Variants in PDIA4 observed in about 807,000 individuals in gnomAD.
The protein encoded by PDIA4 is protein disulfide isomerase family A member 4, also known as protein disulfide-isomerase A4.
Under a neutral mutation model 62.1 loss-of-function variants are expected in PDIA4, and 33 were observed. The observed-to-expected ratio is 0.53, with a 90% CI of 0.40 to 0.71. The LOEUF (loss-of-function observed/expected upper bound fraction) is 0.71, where lower values mean the gene tolerates loss of function less well. Among genes scored for constraint, PDIA4 ranks in the 30% least tolerant of loss-of-function variants. The pLI, the probability that PDIA4 is intolerant of heterozygous loss-of-function variation, is 0.00. For missense variants in PDIA4, 804 were observed against 813.6 expected (o/e 0.99, Z 0.14); for synonymous variants, 341 against 324.1 (o/e 1.05, Z -0.56).
intron 6 of PDIA4, among the ~76,000 whole-genome samples, chr7:149,011,009 A>G (rs1438089638): frequency 6.6e-6 from 1 of 152,336 alleles, no homozygotes; most frequent in African/African-American, 2.4e-5. Flanking sequence ...AAGGCCACCT[A>G]ATTAACAGAT....
chr7:149,018,091 T>C (rs2129505141), intron 3 of PDIA4, among the ~76,000 whole-genome samples: 1 of 151,702 alleles, frequency 6.6e-6, no homozygotes, highest in South Asian at 2.1e-4. Context: ...TAGCCGGACG[T>C]GGTGGCAGGC....
At chr7:149,007,097 C>T (rs894336764) in intron 7 of PDIA4, among the ~76,000 whole-genome samples, 2 of 151,498 alleles carry the variant, frequency 1.3e-5, no homozygotes, top group Admixed American at 6.6e-5. Flanking sequence ...GGGGTCGCAG[C>T]AGCCACTATG....
At position 149,012,135 on chromosome 7, in the gene PDIA4, A is replaced by C; in HGVS notation, c.820+20T>G. ...AGTTTCCCTTCCCCACTGTAGTGGGAGAGAAGGGAGTGGCCATACCATATT... is the reference window on the plus strand; with the variant it reads ...AGTTTCCCTTCCCCACTGTAGTGGGCGAGAAGGGAGTGGCCATACCATATT... On this transcript the variant is annotated intron_variant, in intron 5 of 9. Transcript: ENST00000652332. 1 of 1,611,770 alleles carries C rather than the reference A, an allele frequency of 6.2e-7. No individual in the cohort carries two copies. Among genetic ancestry groups the C allele is most frequent in the African/African-American group, 1.3e-5 (1 of 74,990 alleles).
rs541393681 is a variant in PDIA4, at chr7:149,011,915, C to T, written c.910G>A (p.Asp304Asn). 6.4e-5 allele frequency: 103 copies of T among 1,609,508 alleles called. 1 individual carries two copies. In the South Asian group the frequency reaches 1.0e-3, roughly 16 times the overall value. ...AAGACCCCGATGATGATGACATCGT[C>T]TCCATCCTTCAGGAACTCCTGGACC... Reference protein sequence around the residue: ...KQVQEFLKDGDDVIIIGVFKG... With the variant: ...KQVQEFLKDGNDVIIIGVFKG... Residue 304 changes from aspartate to asparagine, a missense_variant, in exon 6 of 10, where the codon GAC becomes AAC. Coordinates refer to ENST00000652332, the MANE Select transcript of PDIA4 (RefSeq NM_004911.5).
In PDIA4 at chr7:149,023,379, G is replaced by A. The variant is rs78568465; in HGVS notation, c.89-2232C>T. ...ATTTACCTGTGTCTTTGAATGAATC[G>A]TGTGAGGCTGAAATACACATCTTGT... On this transcript the variant is annotated intron_variant, in intron 1 of 9. Transcript: ENST00000652332. Among the ~76,000 whole-genome samples the A allele has an allele frequency of 2.5e-3, 388 of 152,298 alleles. 11 individuals are homozygous for A. In the East Asian group the frequency reaches 0.055, roughly 22 times the overall value.
intron 2 of PDIA4, among the ~76,000 whole-genome samples, chr7:149,020,684 T>C (rs1824311988): frequency 6.6e-6 from 1 of 152,192 alleles, no homozygotes; most frequent in African/African-American, 2.4e-5. Flanking sequence ...TCATTGCCGC[T>C]TGTTAAATGC....
At chr7:149,011,818 T>C (rs1823953433) in intron 6 of PDIA4, 28 bp downstream of exon 6, 28 of 1,510,068 alleles carry the variant, frequency 1.9e-5, no homozygotes, top group Non-Finnish European at 2.4e-5. Context: ...CACGCACATT[T>C]TGTTCAGCCC....
chr7:149,019,637 G>A (rs763005166), intron 2 of PDIA4, among the ~76,000 whole-genome samples: 2 of 152,098 alleles, frequency 1.3e-5, no homozygotes, highest in African/African-American at 2.4e-5. Context: ...ATAGTGAAAC[G>A]CTGTCTGTAC....
rs1823613493 is a variant in PDIA4, at chr7:149,003,483, A to G, written c.*311T>C. The G allele has an allele frequency of 7.9e-6, 2 of 251,666 alleles. No homozygotes were observed. The highest frequency in any genetic ancestry group is 1.5e-5 in the Non-Finnish European group (2 of 134,082). 15.6% of individuals were successfully genotyped at this position (251,666 alleles called of 1,614,324 possible). A position where few individuals can be genotyped will look rare whatever the true frequency, so the allele number is the denominator to read the frequency against. On this transcript the variant is annotated 3_prime_UTR_variant, in exon 10 of 10. Coordinates refer to ENST00000652332, the MANE Select transcript of PDIA4 (RefSeq NM_004911.5). ...TTTTAAACCTTAAATTAAAAAAAGA[A>G]AACATTTTCACACAGAAGAATTATC...
intron 6 of PDIA4, 74 bp from the exon 7 acceptor site, chr7:149,008,384 C>A: frequency 6.8e-7 from 1 of 1,462,718 alleles, no homozygotes; most frequent in African/African-American, 1.4e-5. Context: ...TTACCCACAT[C>A]AGCCAAAGCA....
In PDIA4 at chr7:149,004,050, A is replaced by C. The variant is rs1823650563; in HGVS notation, c.1682T>G (p.Leu561Arg). The C allele has an allele frequency of 6.2e-7, 1 of 1,614,162 alleles. No individual in the cohort carries two copies. Among genetic ancestry groups the C allele is most frequent in the Non-Finnish European group, 8.5e-7 (1 of 1,180,028 alleles). ...YAPWCGHCKQ[L>R]EPVYNSLAKK... is the part of the protein sequence containing the mutation. ...GGCCAGGCTGTTGTACACGGGCTCT[A>C]GCTGCTTGCAGTGCCCGCACCATGG... The change falls in exon 10 of 10, where the codon CTA becomes CGA. Residue 561 changes from leucine (L) to arginine (R), a missense_variant. By Grantham distance (102) the Leu-to-Arg change is moderately radical. Coordinates refer to ENST00000652332, the MANE Select transcript of PDIA4 (RefSeq NM_004911.5).
intron 2 of PDIA4, 40 bp downstream of exon 2, chr7:149,020,926 CA>C: frequency 6.2e-7 from 1 of 1,602,274 alleles, no homozygotes; most frequent in Middle Eastern, 1.7e-4. Flanking sequence ...GAATGGAGCA[CA>C]GCGCTTGTCC....
At chr7:149,027,503 C>T (rs1824599618) in intron 1 of PDIA4, among the ~76,000 whole-genome samples, 1 of 152,176 alleles carries the variant, frequency 6.6e-6, no homozygotes, top group African/African-American at 2.4e-5. Context: ...AAAGTAAGGG[C>T]AGAGAGGAAG....
chr7:149,005,148 G>C lies in PDIA4; in HGVS notation c.1515C>G (p.Phe505Leu). 1 of 1,612,080 alleles carries C rather than the reference G, an allele frequency of 6.2e-7. No homozygotes were observed. Among genetic ancestry groups the C allele is most frequent in the Non-Finnish European group, 8.5e-7 (1 of 1,178,314 alleles). Residue 505 changes from phenylalanine (F) to leucine (L), a missense_variant, in exon 9 of 10, where the codon TTC becomes TTG. By Grantham distance (22) the Phe-to-Leu change is conservative. Coordinates refer to ENST00000652332, the MANE Select transcript of PDIA4 (RefSeq NM_004911.5). ...SDTLREFVTA[F>L]KKGKLKPVIK... is the part of the protein sequence containing the mutation. ...CCCCAGCCACGGGCTCACCTTTTTT[G>C]AAAGCAGTGACAAACTCGCGGAGGG...
chr7:149,018,950 C>A (rs765790577), intron 3 of PDIA4, 42 bp downstream of exon 3: 4 of 1,450,180 alleles, frequency 2.8e-6, no homozygotes, highest in African/African-American at 1.4e-5. Context: ...CCATTCCCTG[C>A]GGGAAGGAGT....
In PDIA4 at chr7:149,012,485, T is replaced by C. The variant is rs141099584; in HGVS notation, c.615-125A>G. ...TGGCCACACCCAGTAAGCCTCCGAA[T>C]GCCTCCTAGACCCTCAGGCCCTCAG... On this transcript the variant is annotated intron_variant, in intron 4 of 9. Coordinates refer to ENST00000652332, the MANE Select transcript of PDIA4 (RefSeq NM_004911.5). 1,715 of 765,412 alleles carry C rather than the reference T, an allele frequency of 2.2e-3. 20 individuals are homozygous for C. The African/African-American group carries it at 0.027, about 12-fold the overall frequency. 47.4% of individuals were successfully genotyped at this position (765,412 alleles called of 1,614,324 possible). A position where few individuals can be genotyped will look rare whatever the true frequency, so the allele number is the denominator to read the frequency against.
In PDIA4 at chr7:149,015,086, G is replaced by A. The variant is rs1381321557; in HGVS notation, c.476-44C>T. On this transcript the variant is annotated intron_variant, in intron 3 of 9. Coordinates refer to ENST00000652332, the MANE Select transcript of PDIA4 (RefSeq NM_004911.5). ...GACTGAGCACACAAGGCCCAAACTG[G>A]CAGGCACTTCACCTCCCTCCAGAAG... is the stretch of plus-strand genomic sequence containing the variant. 3.7e-6 allele frequency: 6 copies of A among 1,607,368 alleles called. No individual in the cohort carries two copies. The Admixed American group carries it at 8.4e-5, about 23-fold the overall frequency.
At chr7:149,019,782 A>T (rs1386294703) in intron 2 of PDIA4, among the ~76,000 whole-genome samples, 1 of 152,174 alleles carries the variant, frequency 6.6e-6, no homozygotes, top group South Asian at 2.1e-4. Flanking sequence ...TTGCATTCCA[A>T]CCTGGGCAAA....
chr7:149,013,447 C>T (rs1026253918), intron 4 of PDIA4, among the ~76,000 whole-genome samples: 5 of 152,100 alleles, frequency 3.3e-5, no homozygotes, highest in South Asian at 2.1e-4. Flanking sequence ...GAAGCTGAGG[C>T]GGGAGGGTCG....
Sources: gnomAD v4.1 joint callset for allele counts (sites outside exome capture counted in the v4.1 genomes callset) on GRCh38, gnomAD v4.1.1 for gene constraint, MANE v1.5 for transcripts, NCBI Gene and HGNC (gene_info 2026-07-23, HGNC 2026-07-21) for gene names.